Variants in SLC35F4 observed in about 807,000 individuals in gnomAD.
SLC35F4 encodes chromosome 14 open reading frame 36.
Under a neutral mutation model 44.2 loss-of-function variants are expected in SLC35F4, and 24 were observed. The observed-to-expected ratio is 0.54, with a 90% CI of 0.39 to 0.76. SLC35F4 has a LOEUF of 0.76. Ranked by LOEUF, SLC35F4 falls within the 30% of genes least tolerant of loss-of-function variation. The probability of loss-of-function intolerance (pLI) is 0.00; values close to 1 mark genes in which losing one functional copy is unlikely to be tolerated. For missense variants in SLC35F4, 562 were observed against 586.1 expected, an observed-to-expected ratio of 0.96 and a Z score of 0.42; for synonymous variants, 238 against 223.6, an observed-to-expected ratio of 1.06 and a Z score of -0.57.
chr14:57,861,038 T>C (rs1881038859), intron 1 of SLC35F4, among the ~76,000 whole-genome samples: 1 of 152,232 alleles, frequency 6.6e-6, no homozygotes, highest in Admixed American at 6.5e-5. Flanking sequence ...GCCAACCTAC[T>C]GGCTGGTCTT....
intron 1 of SLC35F4, among the ~76,000 whole-genome samples, chr14:57,858,766 A>G (rs1330136343): frequency 6.6e-6 from 1 of 150,956 alleles, no homozygotes; most frequent in East Asian, 1.9e-4. Context: ...GACTATGACC[A>G]GAGTGTGCGA....
At chr14:57,705,404 CTCTG>C (rs1264292409) in intron 1 of SLC35F4, among the ~76,000 whole-genome samples, 1 of 152,166 alleles carries the variant, frequency 6.6e-6, no homozygotes, top group African/African-American at 2.4e-5. Flanking sequence ...TGTGCTGGTT[CTCTG>C]TCTGACTCCA....
intron 1 of SLC35F4, among the ~76,000 whole-genome samples, chr14:57,711,124 G>C (rs953060290): frequency 6.6e-6 from 1 of 152,078 alleles, no homozygotes; most frequent in Non-Finnish European, 1.5e-5. Flanking sequence ...GTAGTGATTG[G>C]ATCATGGGGT....
intron 1 of SLC35F4, among the ~76,000 whole-genome samples, chr14:57,802,167 T>C (rs758885154): frequency 8.5e-5 from 13 of 152,070 alleles, no homozygotes; most frequent in African/African-American, 1.2e-4. Context: ...GAACTGAATA[T>C]TAAGAAATTC....
chr14:57,884,152 T>C (rs1888598004), intron 1 of SLC35F4, among the ~76,000 whole-genome samples: 1 of 152,194 alleles, frequency 6.6e-6, no homozygotes, highest in Admixed American at 6.5e-5. Context: ...TGACAGATTC[T>C]GAATGCTTTT....
At position 57,858,615 on chromosome 14, in the gene SLC35F4, C is replaced by T. The variant is rs941241494; in HGVS notation, c.103+7108G>A. On this transcript the variant is annotated intron_variant, in intron 1 of 7. Transcript: ENST00000556826. Reference sequence around the variant, plus strand: ...TAATGGGTGCAGCACACCAACACGGCGCATGTATACATATGTAACAAACCT... The same window carrying T: ...TAATGGGTGCAGCACACCAACACGGTGCATGTATACATATGTAACAAACCT... 3.3e-5 allele frequency among the ~76,000 whole-genome samples: 5 copies of T among 150,876 alleles called. No homozygotes were observed. The South Asian group carries it at 6.3e-4, about 19-fold the overall frequency.
upstream of SLC35F4, among the ~76,000 whole-genome samples, chr14:57,982,701 A>G (rs1881416574): frequency 6.6e-6 from 1 of 152,160 alleles, no homozygotes; most frequent in Non-Finnish European, 1.5e-5. Context: ...TCTTCTAAAA[A>G]AAATCTTTTT....
At chr14:57,678,196 A>C (rs2074765825) in intron 1 of SLC35F4, among the ~76,000 whole-genome samples, 1 of 152,146 alleles carries the variant, frequency 6.6e-6, no homozygotes, top group South Asian at 2.1e-4. Flanking sequence ...CCTACAAGCC[A>C]GAAGAGAGTG....
intron 1 of SLC35F4, among the ~76,000 whole-genome samples, chr14:57,813,530 C>T (rs1882210987): frequency 6.6e-6 from 1 of 151,894 alleles, no homozygotes; most frequent in East Asian, 1.9e-4. Flanking sequence ...GCAGAGGTTG[C>T]AGTGAGCAGA....
intron 1 of SLC35F4, among the ~76,000 whole-genome samples, chr14:57,888,019 G>A (rs759651442): frequency 1.8e-4 from 28 of 152,238 alleles, no homozygotes; most frequent in African/African-American, 2.2e-4. Flanking sequence ...TGCAGTAGCC[G>A]CTGGCATCTC....
chr14:57,603,023 G>A (rs553712871), intron 1 of SLC35F4, among the ~76,000 whole-genome samples: 17 of 152,226 alleles, frequency 1.1e-4, no homozygotes, highest in African/African-American at 4.1e-4. Context: ...ACTCAGCCTT[G>A]TTACTCTTTA....
At chr14:57,763,036 A>G (rs2077160236) in intron 1 of SLC35F4, among the ~76,000 whole-genome samples, 1 of 152,158 alleles carries the variant, frequency 6.6e-6, no homozygotes, top group South Asian at 2.1e-4. Flanking sequence ...AACATTAACC[A>G]ATTTTAAAAT....
At chr14:57,626,451 G>A (rs1220922711) in intron 1 of SLC35F4, among the ~76,000 whole-genome samples, 1 of 151,940 alleles carries the variant, frequency 6.6e-6, no homozygotes, top group African/African-American at 2.4e-5. Context: ...GAAGATGTAT[G>A]TGCTCTGATA....
At position 57,564,383 on chromosome 14, in the gene SLC35F4, A is replaced by G. The variant is rs1168913356; in HGVS notation, c.1217-7T>C. ...TGCTTTAGGAGATCCACAGCTAGGA[A>G]AGAAAAATCAAGTCAGTCATTTCCT... is the stretch of plus-strand genomic sequence containing the variant. On this transcript the variant is annotated splice_polypyrimidine_tract_variant and splice_region_variant and intron_variant, in intron 7 of 7. Coordinates refer to ENST00000556826, the MANE Select transcript of SLC35F4 (RefSeq NM_001306087.2). The G allele has an allele frequency of 1.3e-6, 2 of 1,596,896 alleles. No homozygotes were observed. The highest frequency in any genetic ancestry group is 3.5e-5 in the Admixed American group (2 of 57,574).
At chr14:57,708,989 G>C (rs576470714) in intron 1 of SLC35F4, among the ~76,000 whole-genome samples, 1 of 152,268 alleles carries the variant, frequency 6.6e-6, no homozygotes, top group Non-Finnish European at 1.5e-5. Context: ...ATTTGCCACT[G>C]TTATCTAAAA....
At chr14:57,925,185 A>C (rs980424854) in intron 1 of SLC35F4, among the ~76,000 whole-genome samples, 9 of 151,976 alleles carry the variant, frequency 5.9e-5, no homozygotes, top group Non-Finnish European at 1.2e-4. Flanking sequence ...CACTTCCATT[A>C]GGCCCCACCT....
chr14:57,735,725 G>GT lies in SLC35F4; in HGVS notation c.103+129997dup, dbSNP rs11337745. On this transcript the variant is annotated intron_variant, in intron 1 of 7. Transcript: ENST00000556826. The stretch of plus-strand genomic sequence containing the variant: ...AACTCCAACATAGCCACCCCCTTTT[G>GT]TTTTTTTTTTTTTTAAAGACAGAGC... Among the ~76,000 whole-genome samples the GT allele has an allele frequency of 6.0e-3, 847 of 140,738 alleles. 5 individuals are homozygous for GT. The highest frequency in any genetic ancestry group is 0.017 in the East Asian group (85 of 4,940). The allele number at this position is 140,738 out of a possible 152,430, so 92.3% of individuals were successfully genotyped here.
chr14:57,950,343 A>G (rs1890112058), intron 1 of SLC35F4, among the ~76,000 whole-genome samples: 1 of 151,196 alleles, frequency 6.6e-6, no homozygotes, highest in South Asian at 2.1e-4. Context: ...TGCATTTTGT[A>G]TTTCTTTACG....
intron 1 of SLC35F4, among the ~76,000 whole-genome samples, chr14:57,670,960 A>C (rs567045663): frequency 6.8e-5 from 9 of 132,814 alleles, no homozygotes; most frequent in Non-Finnish European, 1.4e-4. Context: ...GCTGGAGTGC[A>C]GTGGCATGGT....
Sources: allele counts gnomAD v4.1 joint callset (sites outside exome capture counted in the v4.1 genomes callset), GRCh38; gene constraint gnomAD v4.1.1; transcripts MANE v1.5; gene names NCBI Gene and HGNC (gene_info 2026-07-23, HGNC 2026-07-21).